MAMLD1: variants seen among roughly 807,000 people sequenced by gnomAD.
The protein encoded by MAMLD1 is mastermind like domain containing 1.
A neutral mutation model predicts 45.0 loss-of-function variants in MAMLD1; 14 were observed. The ratio of observed to expected loss-of-function variants is 0.31; its 90% CI spans 0.21 to 0.49. The LOEUF (loss-of-function observed/expected upper bound fraction) is 0.49, where lower values mean the gene tolerates loss of function less well. Among genes scored for constraint, MAMLD1 ranks in the 20% least tolerant of loss-of-function variants. The probability of loss-of-function intolerance (pLI) is 0.99; values close to 1 mark genes in which losing one functional copy is unlikely to be tolerated. For synonymous variants in MAMLD1, 254 were observed against 247.8 expected (o/e 1.02, Z -0.24); for missense variants, 543 against 603.6 (o/e 0.90, Z 1.05).
intron 1 of MAMLD1, among the ~76,000 whole-genome samples, chrX:150,406,293 G>A (rs940530265): frequency 5.5e-5 from 6 of 109,839 alleles, no homozygotes; most frequent in African/African-American, 2.0e-4. Context: ...CACATAGCAG[G>A]TAATGGAAGA....
intron 1 of MAMLD1, among the ~76,000 whole-genome samples, chrX:150,411,231 A>G (rs782384048): frequency 3.1e-4 from 35 of 111,976 alleles, no homozygotes; most frequent in African/African-American, 6.5e-4. Context: ...TGTACTGGCT[A>G]GGTATCGCCA....
intron 5 of MAMLD1, among the ~76,000 whole-genome samples, chrX:150,502,634 G>A (rs2037592146): frequency 8.9e-6 from 1 of 112,326 alleles, no homozygotes; most frequent in Non-Finnish European, 1.9e-5. Context: ...CCACACACAA[G>A]TCCTAAAATC....
At chrX:150,472,009 G>T (rs1444430180) in intron 4 of MAMLD1, among the ~76,000 whole-genome samples, 2 of 112,104 alleles carry the variant, frequency 1.8e-5, no homozygotes, top group Non-Finnish European at 3.8e-5. Flanking sequence ...ACAGGTATTT[G>T]CAAGGTAGTC....
chrX:150,500,873 T>C (rs1358399107), intron 5 of MAMLD1, among the ~76,000 whole-genome samples: 1 of 112,036 alleles, frequency 8.9e-6, no homozygotes, highest in Non-Finnish European at 1.9e-5. Flanking sequence ...TCAGTCACAG[T>C]CAAGAGACTG....
chrX:150,371,799 A>G (rs1557401074), intron 1 of MAMLD1, among the ~76,000 whole-genome samples: 1 of 111,912 alleles, frequency 8.9e-6, no homozygotes, highest in African/African-American at 3.3e-5. Flanking sequence ...TATGCCAGTC[A>G]GTTGACCATT....
intron 1 of MAMLD1, among the ~76,000 whole-genome samples, chrX:150,432,736 A>G (rs782211572): frequency 3.6e-5 from 4 of 111,692 alleles, no homozygotes; most frequent in African/African-American, 1.3e-4. Flanking sequence ...AGTGTGCAAC[A>G]TTATTTCCGG....
chrX:150,504,983 C>T (rs143181706), intron 6 of MAMLD1: 69,618 of 751,984 alleles, frequency 0.093, 2,417 homozygotes, highest in Admixed American at 0.19. Flanking sequence ...TTCCTTTGCC[C>T]GGGATCATTC....
chrX:150,504,596 C>A, intron 6 of MAMLD1: 1 of 538,447 alleles, frequency 1.9e-6, no homozygotes, highest in Non-Finnish European at 2.3e-6. Context: ...ACAGAATTAG[C>A]AAAACGGACG....
intron 1 of MAMLD1, among the ~76,000 whole-genome samples, chrX:150,363,876 C>T (rs2031172044): frequency 8.9e-6 from 1 of 112,971 alleles, no homozygotes; most frequent in Non-Finnish European, 1.9e-5. Flanking sequence ...CTGGGAGGCT[C>T]CCACTCTGTC....
rs1166471642 is a variant in MAMLD1 at position 150,368,407 on chromosome X, GTT to G, written c.-64+4888_-64+4889del. 5.7e-3 allele frequency among the ~76,000 whole-genome samples: 579 copies of G among 102,028 alleles called. 1 individual carries two copies. Among genetic ancestry groups the G allele is most frequent in the Middle Eastern group, 0.015 (3 of 197 alleles). 88.6% of individuals were successfully genotyped at this position (102,028 alleles called of 115,157 possible). On this transcript the variant is annotated intron_variant, in intron 1 of 7. Transcript: ENST00000370401. ...CCTTCGCCCAATTTTTGATGGGGTT[GTT>G]TTTTTTTTTTCTTGTAAATTTGTTT...
chrX:150,439,633 C>G (rs1326659748), intron 1 of MAMLD1, among the ~76,000 whole-genome samples: 1 of 111,490 alleles, frequency 9.0e-6, no homozygotes, highest in Non-Finnish European at 1.9e-5. Flanking sequence ...ATCAATTGGC[C>G]ATAGATTAAT....
At chrX:150,370,165 C>A (rs1557400938) in intron 1 of MAMLD1, among the ~76,000 whole-genome samples, 1 of 109,437 alleles carries the variant, frequency 9.1e-6, no homozygotes. Flanking sequence ...GGAACAGGAG[C>A]CGGTTACTAT....
chrX:150,419,374 G>A (rs1432996264), intron 1 of MAMLD1, among the ~76,000 whole-genome samples: 1 of 106,093 alleles, frequency 9.4e-6, no homozygotes, highest in African/African-American at 3.4e-5. Context: ...CACACTGATG[G>A]GTCTTGACTC....
intron 1 of MAMLD1, among the ~76,000 whole-genome samples, chrX:150,425,740 C>T (rs2034680955): frequency 1.8e-5 from 2 of 111,743 alleles, no homozygotes; most frequent in Non-Finnish European, 3.8e-5. Flanking sequence ...CAAGAATTTA[C>T]AGTCTAGAGG....
chrX:150,431,380 T>G, intron 1 of MAMLD1, among the ~76,000 whole-genome samples: 1 of 64,750 alleles, frequency 1.5e-5, no homozygotes, highest in East Asian at 5.5e-4. Context: ...GCAATCGTTT[T>G]ACTTCTTCTT....
intron 1 of MAMLD1, among the ~76,000 whole-genome samples, chrX:150,412,492 G>T (rs2034147850): frequency 9.0e-6 from 1 of 110,517 alleles, no homozygotes; most frequent in Non-Finnish European, 1.9e-5. Flanking sequence ...AACCTTTTAG[G>T]TGCTTCTTGC....
chrX:150,463,488 G>T (rs1422194818), intron 3 of MAMLD1, among the ~76,000 whole-genome samples: 4 of 112,278 alleles, frequency 3.6e-5, no homozygotes, highest in Non-Finnish European at 7.5e-5. Flanking sequence ...ATTCTTCTCA[G>T]GAGATGGTAC....
chrX:150,416,354 A>G (rs949093865), intron 1 of MAMLD1, among the ~76,000 whole-genome samples: 1 of 111,584 alleles, frequency 9.0e-6, no homozygotes, highest in Non-Finnish European at 1.9e-5. Flanking sequence ...TAACACAGGC[A>G]ATAGAAATAG....
intron 2 of MAMLD1, 66 bp from the exon 3 acceptor site, chrX:150,462,706 G>A: frequency 2.7e-6 from 2 of 738,583 alleles, no homozygotes; most frequent in East Asian, 3.2e-5. Flanking sequence ...TCACTGAGCT[G>A]GTGCAGGTAA....
Sources: allele counts gnomAD v4.1 joint callset (sites outside exome capture counted in the v4.1 genomes callset), GRCh38; gene constraint gnomAD v4.1.1; transcripts MANE v1.5; gene names NCBI Gene and HGNC (gene_info 2026-07-23, HGNC 2026-07-21).